GRSF1: variants seen among roughly 807,000 people sequenced by gnomAD.
The protein encoded by GRSF1 is G-rich sequence factor 1.
In GRSF1, 50 loss-of-function variants were observed where a neutral mutation model predicts 51.1. The observed-to-expected ratio is 0.98, with a 90% CI of 0.78 to 1.24. The LOEUF is 1.24. Ranked by LOEUF, GRSF1 falls within the 50% of genes most tolerant of loss-of-function variation. The probability of loss-of-function intolerance (pLI) is 0.00; values close to 1 mark genes in which losing one functional copy is unlikely to be tolerated. For missense variants in GRSF1, 700 were observed against 639.7 expected, an observed-to-expected ratio of 1.09 and a Z score of -1.02; for synonymous variants, 293 against 253.3, an observed-to-expected ratio of 1.16 and a Z score of -1.49.
rs1274566857 is a variant in GRSF1, at chr4:70,838,717, G to GA, written c.357+753dup. Among the ~76,000 whole-genome samples the GA allele has an allele frequency of 2.7e-3, 406 of 152,120 alleles. 3 individuals are homozygous for GA. The highest frequency in any genetic ancestry group is 9.4e-3 in the African/African-American group (392 of 41,510). ...ACACCGACTTTTCTAAAAAAATAAA[G>GA]AAAAAATGGAAAGGAAAACATTGCA... is the stretch of plus-strand genomic sequence containing the variant. On this transcript the variant is annotated intron_variant, in intron 1 of 9. Coordinates refer to ENST00000254799, the MANE Select transcript of GRSF1 (RefSeq NM_002092.4).
intron 5 of GRSF1, among the ~76,000 whole-genome samples, chr4:70,829,084 T>G (rs886612228): frequency 6.6e-6 from 1 of 151,974 alleles, no homozygotes; most frequent in Non-Finnish European, 1.5e-5. Flanking sequence ...AGACATGGGT[T>G]CTTGCCATGT....
In GRSF1 at chr4:70,816,032, A is replaced by G. The variant is rs891938061; in HGVS notation, c.*4855T>C. On this transcript the variant is annotated 3_prime_UTR_variant, in exon 10 of 10. Transcript: ENST00000254799. ...TATATGAAGTTCTAGAATAGGCAAA[A>G]TTAATCTACAGTGAACAAAATCCTA... is the stretch of plus-strand genomic sequence containing the variant. 6.6e-6 allele frequency: 1 copy of G among 152,240 alleles called. No homozygotes were observed. The highest frequency in any genetic ancestry group is 2.4e-5 in the African/African-American group (1 of 41,460). The allele number at this position is 152,240 out of a possible 1,614,324, so 9.4% of individuals were successfully genotyped here.
At chr4:70,826,953 G>A (rs1395666937) in intron 6 of GRSF1, among the ~76,000 whole-genome samples, 1 of 152,152 alleles carries the variant, frequency 6.6e-6, no homozygotes, top group African/African-American at 2.4e-5. Flanking sequence ...GTTGCCCTGG[G>A]TTAGGAATCA....
upstream of GRSF1, among the ~76,000 whole-genome samples, chr4:70,842,529 G>A (rs1734479413): frequency 2.0e-5 from 3 of 152,000 alleles, no homozygotes; most frequent in South Asian, 6.2e-4. Context: ...TTGACCTCCC[G>A]GGTTCAAGTA....
intron 1 of GRSF1, among the ~76,000 whole-genome samples, chr4:70,838,425 G>T (rs1464545466): frequency 1.3e-5 from 2 of 152,068 alleles, no homozygotes; most frequent in African/African-American, 4.8e-5. Context: ...AATTCCATAA[G>T]CATCACAAGC....
chr4:70,830,440 G>A (rs1733913753), intron 5 of GRSF1, among the ~76,000 whole-genome samples: 2 of 146,496 alleles, frequency 1.4e-5, no homozygotes, highest in Admixed American at 1.4e-4. Context: ...ATAAGACCCT[G>A]TGTCTTAAAA....
chr4:70,832,347 AG>A lies in GRSF1; in HGVS notation c.773del (p.Pro258LeufsTer10). 1 of 1,613,644 alleles carries A rather than the reference AG, an allele frequency of 6.2e-7. No individual in the cohort carries two copies. The highest frequency in any genetic ancestry group is 8.5e-7 in the Non-Finnish European group (1 of 1,179,592). On this transcript the variant is annotated frameshift_variant, in exon 4 of 10. Coordinates refer to ENST00000254799, the MANE Select transcript of GRSF1 (RefSeq NM_002092.4). LOFTEE classifies it high-confidence loss of function. ...NDGVVRLRGLPYSCNEKDIVD... is the reference protein window; with the variant it reads ...NDGVVRLRGLXYSCNEKDIVD... Reference sequence around the variant, plus strand: ...CAATGTCTTTCTCATTGCAACTATAAGGAAGTCCTCTCAAACGAACCACACC... The same window carrying A: ...CAATGTCTTTCTCATTGCAACTATAAGAAGTCCTCTCAAACGAACCACACC...
intron 5 of GRSF1, among the ~76,000 whole-genome samples, chr4:70,830,263 AAC>A: frequency 6.6e-6 from 1 of 152,036 alleles, no homozygotes. Context: ...CCCACCTACA[AAC>A]ACACACGCAC....
chr4:70,839,518 G>A lies in GRSF1; in HGVS notation c.310C>T (p.Gln104Ter). 2 of 1,436,886 alleles carry A rather than the reference G, an allele frequency of 1.4e-6. No individual in the cohort carries two copies. The highest frequency in any genetic ancestry group is 1.5e-5 in the African/African-American group (1 of 66,382). The allele number at this position is 1,436,886 out of a possible 1,614,324, so 89.0% of individuals were successfully genotyped here. ...YSALRASLLP[Q>*]SLAAAAAVPT... ...ACGGCGGCCGCCGCCGCCAGCGACT[G>A]CGGCAGCAGAGAGGCACGGAGGGCA... Residue 104 changes from glutamine to a stop codon, truncating the protein, a stop_gained, in exon 1 of 10, where the codon CAG (glutamine) becomes TAG (stop). Transcript: ENST00000254799. LOFTEE classifies it high-confidence loss of function.
rs1449441244 is a variant in GRSF1, at chr4:70,825,303, G to A, written c.1386C>T (p.Ser462=). 4 of 1,604,560 alleles carry A rather than the reference G, an allele frequency of 2.5e-6. No individual in the cohort carries two copies. The African/African-American group carries it at 4.0e-5, about 16-fold the overall frequency. Residue 462 remains serine, a synonymous_variant, in exon 8 of 10, where the codon TCC becomes TCT. Transcript: ENST00000254799. Reference sequence around the variant, plus strand: ...GCCAAAGGCAGGACTTACGAACGTGGGACCGATCCTTGAGCATCGCTGCAA... The same window carrying A: ...GCCAAAGGCAGGACTTACGAACGTGAGACCGATCCTTGAGCATCGCTGCAA... ...DAVAAMLKDR[S]HVHHRYIELF...
At chr4:70,821,256 G>A (rs925957728) in intron 9 of GRSF1, among the ~76,000 whole-genome samples, 7 of 151,880 alleles carry the variant, frequency 4.6e-5, no homozygotes, top group African/African-American at 9.7e-5. Flanking sequence ...AAGAAACCCC[G>A]TCTCCACAAA....
At chr4:70,828,987 C>A (rs181161543) in intron 5 of GRSF1, among the ~76,000 whole-genome samples, 1 of 152,126 alleles carries the variant, frequency 6.6e-6, no homozygotes, top group African/African-American at 2.4e-5. Context: ...GATTCACCTG[C>A]CTCAGCCTCC....
chr4:70,822,549 C>T (rs537351882), intron 9 of GRSF1, among the ~76,000 whole-genome samples: 2 of 145,444 alleles, frequency 1.4e-5, no homozygotes, highest in South Asian at 4.3e-4. Context: ...TGCCACTGCA[C>T]TTCACCCTGG....
chr4:70,825,218 A>T, intron 8 of GRSF1, 78 bp downstream of exon 8: 1 of 1,200,950 alleles, frequency 8.3e-7, no homozygotes, highest in Non-Finnish European at 1.2e-6. Context: ...AAAATTCTAC[A>T]ATCCCAAAAC....
intron 5 of GRSF1, among the ~76,000 whole-genome samples, chr4:70,829,428 G>A (rs1277110156): frequency 6.6e-6 from 1 of 151,872 alleles, no homozygotes. Flanking sequence ...GGCTGAGGCA[G>A]GTGGATCACT....
chr4:70,827,432 T>G (rs913243299), intron 6 of GRSF1, among the ~76,000 whole-genome samples: 1 of 152,164 alleles, frequency 6.6e-6, no homozygotes, highest in Non-Finnish European at 1.5e-5. Context: ...AATGATTAAA[T>G]TAAAAACCTA....
Position 70,836,197 on chromosome 4 carries a change from A to G in GRSF1, c.475T>C (p.Trp159Arg), listed in dbSNP as rs1368857182. 6.2e-7 allele frequency: 1 copy of G among 1,602,718 alleles called. No homozygotes were observed. ...AGCACATCTTCCATAGTGCATGACC[A>G]GGGCAGTCCTTGAGCTCGAATGAGA... ...VFLIRAQGLP[W>R]SCTMEDVLNF... is the part of the protein sequence containing the mutation. The change falls in exon 2 of 10, where the codon TGG (tryptophan) becomes CGG (arginine). Residue 159 changes from tryptophan (W) to arginine (R), a missense_variant. Transcript: ENST00000254799.
chr4:70,827,827 G>A (rs1232466047), intron 6 of GRSF1, 25 bp downstream of exon 6: 1 of 1,521,486 alleles, frequency 6.6e-7, no homozygotes. Context: ...GACCCAATGA[G>A]TCTCAAGAAG....
In GRSF1 at chr4:70,827,973, T is replaced by C. The variant is rs1733802094; in HGVS notation, c.1014A>G (p.Gly338=). 3.7e-6 allele frequency: 6 copies of C among 1,613,400 alleles called. No homozygotes were observed. Among genetic ancestry groups the C allele is most frequent in the Non-Finnish European group, 5.1e-6 (6 of 1,179,374 alleles). Reference sequence around the variant, plus strand: ...CAGTAGGAAAAGATGCGATTTTCTTTCCCTTATAAGAACCGACATGTGTTC... The same window carrying C: ...CAGTAGGAAAAGATGCGATTTTCTTCCCCTTATAAGAACCGACATGTGTTC... ...EVRTHVGSYK[G]KKIASFPTAK... is the part of the protein sequence containing the mutation. Residue 338 remains glycine (G), a synonymous_variant, in exon 6 of 10, where the codon GGA becomes GGG. Coordinates refer to ENST00000254799, the MANE Select transcript of GRSF1 (RefSeq NM_002092.4).
Sources: gnomAD v4.1 joint callset for allele counts (sites outside exome capture counted in the v4.1 genomes callset) on GRCh38, gnomAD v4.1.1 for gene constraint, MANE v1.5 for transcripts, NCBI Gene and HGNC (gene_info 2026-07-23, HGNC 2026-07-21) for gene names.